Variants in TRDMT1 observed in about 807,000 individuals in gnomAD.
TRDMT1 encodes the protein tRNA (cytosine(38)-C(5))-methyltransferase.
A neutral mutation model predicts 51.2 loss-of-function variants in TRDMT1; 49 were observed. The ratio of observed to expected loss-of-function variants is 0.96; its 90% CI spans 0.76 to 1.21. The LOEUF (loss-of-function observed/expected upper bound fraction) is 1.21, where lower values mean the gene tolerates loss of function less well. Among genes scored for constraint, TRDMT1 ranks in the 50% most tolerant of loss-of-function variants. The pLI is 0.00. For synonymous variants in TRDMT1, 187 were observed against 164.6 expected (o/e 1.14, Z -1.04); for missense variants, 534 against 462.3 (o/e 1.16, Z -1.42).
At position 17,148,160 on chromosome 10, in the gene TRDMT1, G is replaced by A; in HGVS notation, c.*880C>T. The stretch of plus-strand genomic sequence containing the variant: ...GGAAGAGAGACAGAGAAAGTTAAAA[G>A]TCATAAAAGTTCATTGAGAGTGTAT... On this transcript the variant is annotated 3_prime_UTR_variant, in exon 11 of 11. Transcript: ENST00000377799. 8 of 985,374 alleles carry A rather than the reference G, an allele frequency of 8.1e-6. No individual in the cohort carries two copies. Among genetic ancestry groups the A allele is most frequent in the Non-Finnish European group, 8.4e-6 (7 of 829,932 alleles). 61.0% of individuals were successfully genotyped at this position (985,374 alleles called of 1,614,324 possible).
chr10:17,201,541 TAGAG>T, intron 1 of TRDMT1, 26 bp downstream of exon 1: 2 of 1,541,594 alleles, frequency 1.3e-6, no homozygotes, highest in South Asian at 1.2e-5. Context: ...CGTGAGCGAA[TAGAG>T]AGAGGGGTGC....
intron 1 of TRDMT1, among the ~76,000 whole-genome samples, chr10:17,184,454 T>C (rs1190334962): frequency 1.3e-5 from 2 of 151,354 alleles, no homozygotes; most frequent in East Asian, 3.9e-4. Context: ...ATAATATATA[T>C]AATAATTAAC....
At chr10:17,177,131 C>T (rs1166347370) in intron 1 of TRDMT1, among the ~76,000 whole-genome samples, 1 of 150,396 alleles carries the variant, frequency 6.6e-6, no homozygotes, top group Non-Finnish European at 1.5e-5. Context: ...AACAGGAAGC[C>T]TGGTTTAAAA....
In TRDMT1 at chr10:17,145,703, T is replaced by A; in HGVS notation, c.*3337A>T. ...TTAAAATTTGGTCCTTATTGTGTTA[T>A]CTTGGCTTTTTTAGAAACCGCTTGT... On this transcript the variant is annotated 3_prime_UTR_variant, in exon 11 of 11. Coordinates refer to ENST00000377799, the MANE Select transcript of TRDMT1 (RefSeq NM_004412.7). The A allele has an allele frequency of 1.0e-6, 1 of 985,472 alleles. No homozygotes were observed. Among genetic ancestry groups the A allele is most frequent in the Non-Finnish European group, 1.2e-6 (1 of 829,938 alleles). The allele number at this position is 985,472 out of a possible 1,614,324, so 61.0% of individuals were successfully genotyped here.
chr10:17,171,439 T>C (rs1156980205), intron 2 of TRDMT1: 1 of 152,200 alleles, frequency 6.6e-6, no homozygotes, highest in African/African-American at 2.4e-5. Flanking sequence ...CACTGATCCA[T>C]GGGTAAATGG....
rs2131351330 is a variant in TRDMT1, at chr10:17,142,996, A to G, written c.*6044T>C. 1.0e-6 allele frequency: 1 copy of G among 985,446 alleles called. No individual in the cohort carries two copies. Among genetic ancestry groups the G allele is most frequent in the South Asian group, 4.7e-5 (1 of 21,282 alleles). The allele number at this position is 985,446 out of a possible 1,614,324, so 61.0% of individuals were successfully genotyped here. On this transcript the variant is annotated 3_prime_UTR_variant, in exon 11 of 11. Coordinates refer to ENST00000377799, the MANE Select transcript of TRDMT1 (RefSeq NM_004412.7). The stretch of plus-strand genomic sequence containing the variant: ...CAGAAGTCAGAATACAGTATTTTAA[A>G]AAGTTTTATTTGCGCTACTTTCCAA...
At position 17,148,808 on chromosome 10, in the gene TRDMT1, A is replaced by C; in HGVS notation, c.*232T>G. The stretch of plus-strand genomic sequence containing the variant: ...TTCCACATATATATTTATCAGTTTC[A>C]TATGAAAATATACTCTCCATAAAGC... On this transcript the variant is annotated 3_prime_UTR_variant, in exon 11 of 11. Coordinates refer to ENST00000377799, the MANE Select transcript of TRDMT1 (RefSeq NM_004412.7). 1 of 1,081,362 alleles carries C rather than the reference A, an allele frequency of 9.2e-7. No homozygotes were observed. 67.0% of individuals were successfully genotyped at this position (1,081,362 alleles called of 1,614,324 possible).
chr10:17,158,994 T>C, intron 7 of TRDMT1, 152 bp downstream of exon 7: 1 of 415,900 alleles, frequency 2.4e-6, no homozygotes, highest in Non-Finnish European at 4.2e-6. Flanking sequence ...GAAAACAGCC[T>C]TGAAGATGGA....
At position 17,145,710 on chromosome 10, in the gene TRDMT1, T is replaced by G. The variant is rs1354945368; in HGVS notation, c.*3330A>C. The G allele has an allele frequency of 3.0e-6, 3 of 985,348 alleles. No individual in the cohort carries two copies. The highest frequency in any genetic ancestry group is 3.6e-6 in the Non-Finnish European group (3 of 829,946). The allele number at this position is 985,348 out of a possible 1,614,324, so 61.0% of individuals were successfully genotyped here. ...TTGGTCCTTATTGTGTTATCTTGGC[T>G]TTTTTAGAAACCGCTTGTTTCTAAA... On this transcript the variant is annotated 3_prime_UTR_variant, in exon 11 of 11. Coordinates refer to ENST00000377799, the MANE Select transcript of TRDMT1 (RefSeq NM_004412.7).
chr10:17,149,849 T>A (rs1309091464), intron 10 of TRDMT1, among the ~76,000 whole-genome samples: 10 of 152,222 alleles, frequency 6.6e-5, no homozygotes, highest in Admixed American at 6.5e-5. Context: ...TTCTATTGTA[T>A]GGATTTATCA....
intron 1 of TRDMT1, among the ~76,000 whole-genome samples, chr10:17,194,179 C>T (rs968091999): frequency 1.3e-5 from 2 of 152,076 alleles, no homozygotes; most frequent in South Asian, 4.1e-4. Context: ...AAGACTTGAA[C>T]GTAAGACCTC....
chr10:17,168,773 C>G lies in TRDMT1; in HGVS notation c.251+68G>C, dbSNP rs978465143. 3.3e-5 allele frequency: 38 copies of G among 1,150,518 alleles called. No individual in the cohort carries two copies. The African/African-American group carries it at 4.5e-4, about 14-fold the overall frequency. 71.3% of individuals were successfully genotyped at this position (1,150,518 alleles called of 1,614,324 possible). ...CTCTTTCTTTTGTAAATTGCCCAGT[C>G]TCAGGTATGTCTTTATCAGCAGCAT... On this transcript the variant is annotated intron_variant, in intron 3 of 10. Transcript: ENST00000377799.
At chr10:17,156,109 C>T (rs1375350051) in intron 8 of TRDMT1, among the ~76,000 whole-genome samples, 1 of 152,066 alleles carries the variant, frequency 6.6e-6, no homozygotes, top group African/African-American at 2.4e-5. Context: ...TACAGTGTAT[C>T]ATACAAGATA....
chr10:17,162,182 G>T lies in TRDMT1; in HGVS notation c.307C>A (p.Leu103Ile). 6.2e-7 allele frequency: 1 copy of T among 1,605,806 alleles called. No individual in the cohort carries two copies. The highest frequency in any genetic ancestry group is 8.5e-7 in the Non-Finnish European group (1 of 1,177,126). Residue 103 changes from leucine (L) to isoleucine (I), a missense_variant, in exon 4 of 11, where the codon CTA becomes ATA. Coordinates refer to ENST00000377799, the MANE Select transcript of TRDMT1 (RefSeq NM_004412.7). The part of the protein sequence containing the change: ...DSRTNSFLHI[L>I]DILPRLQKLP... Reference sequence around the variant, plus strand: ...AGTTTTTACCTTGGGAGAATATCTAGAATATGTAAGAAGCTATTCGTCCTT... The same window carrying T: ...AGTTTTTACCTTGGGAGAATATCTATAATATGTAAGAAGCTATTCGTCCTT...
intron 1 of TRDMT1, among the ~76,000 whole-genome samples, chr10:17,196,181 T>G (rs1015248077): frequency 1.1e-4 from 16 of 152,244 alleles, no homozygotes; most frequent in Non-Finnish European, 2.2e-4. Flanking sequence ...ATGAGATGCT[T>G]AGCATTTTAA....
At chr10:17,158,185 A>G (rs565132255) in intron 7 of TRDMT1, among the ~76,000 whole-genome samples, 80 of 152,292 alleles carry the variant, frequency 5.3e-4, no homozygotes, top group Non-Finnish European at 8.4e-4. Context: ...AGGAAAAACC[A>G]AAACATAGCT....
intron 2 of TRDMT1, among the ~76,000 whole-genome samples, chr10:17,170,160 C>T (rs529675333): frequency 1.3e-5 from 2 of 152,162 alleles, no homozygotes; most frequent in African/African-American, 2.4e-5. Flanking sequence ...TCTAATACAG[C>T]TAGCCACTAA....
Position 17,144,226 on chromosome 10 carries a change from A to G in TRDMT1, c.*4814T>C, listed in dbSNP as rs1837917788. The G allele has an allele frequency of 3.0e-6, 3 of 985,702 alleles. No individual in the cohort carries two copies. The highest frequency in any genetic ancestry group is 3.6e-6 in the Non-Finnish European group (3 of 829,924). 61.1% of individuals were successfully genotyped at this position (985,702 alleles called of 1,614,324 possible). The stretch of plus-strand genomic sequence containing the variant: ...GGTGATCTCATCTGATTATAGAGCT[A>G]ATTTAGCTAAACAAACATGTTCTCT... On this transcript the variant is annotated 3_prime_UTR_variant, in exon 11 of 11. Coordinates refer to ENST00000377799, the MANE Select transcript of TRDMT1 (RefSeq NM_004412.7).
chr10:17,154,551 A>G lies in TRDMT1; in HGVS notation c.945+126T>C, dbSNP rs1053288412. 8.1e-6 allele frequency: 4 copies of G among 491,178 alleles called. No homozygotes were observed. The Admixed American group carries it at 1.7e-4, about 21-fold the overall frequency. 30.4% of individuals were successfully genotyped at this position (491,178 alleles called of 1,614,324 possible). A position where few individuals can be genotyped will look rare whatever the true frequency, so the allele number is the denominator to read the frequency against. On this transcript the variant is annotated intron_variant, in intron 9 of 10. Transcript: ENST00000377799. ...TAAAATATTATATATATGAATATAC[A>G]TATGAATGAATAAAATATATATTCA...
Sources: gnomAD v4.1 joint callset for allele counts (sites outside exome capture counted in the v4.1 genomes callset) on GRCh38, gnomAD v4.1.1 for gene constraint, MANE v1.5 for transcripts, NCBI Gene and HGNC (gene_info 2026-07-23, HGNC 2026-07-21) for gene names.